Variants in GOSR2 observed in about 807,000 individuals in gnomAD.
GOSR2 encodes golgi SNAP receptor complex member 2.
A neutral mutation model predicts 27.9 loss-of-function variants in GOSR2; 20 were observed. The observed-to-expected ratio is 0.72, with a 90% CI of 0.50 to 1.04. The LOEUF is 1.04. GOSR2 is among the 50% of genes least tolerant of loss of function. The pLI is 0.00. For synonymous variants in GOSR2, 91 were observed against 98.8 expected (o/e 0.92, Z 0.47); for missense variants, 261 against 270.5 (o/e 0.97, Z 0.25).
chr17:46,964,336 C>G (rs2091221215), intron 6 of GOSR2: 1 of 152,294 alleles, frequency 6.6e-6, no homozygotes, highest in African/African-American at 2.4e-5. Context: ...TTTGAAATCT[C>G]TCTCCAGCTG....
At chr17:46,929,476 T>G in intron 1 of GOSR2, 44 bp from the exon 2 acceptor site, 1 of 988,866 alleles carries the variant, frequency 1.0e-6, no homozygotes, top group South Asian at 1.3e-5. Context: ...GAAGCGCTGT[T>G]GATTACTCCT....
intron 6 of GOSR2, among the ~76,000 whole-genome samples, chr17:46,957,582 C>T: frequency 6.6e-6 from 1 of 151,984 alleles, no homozygotes; most frequent in East Asian, 1.9e-4. Context: ...CACTGCACTC[C>T]AGCCTAGGTG....
chr17:46,939,255 G>A lies in GOSR2; in HGVS notation c.*495G>A. 1 of 1,038,646 alleles carries A rather than the reference G, an allele frequency of 9.6e-7. No individual in the cohort carries two copies. Among genetic ancestry groups the A allele is most frequent in the South Asian group, 3.6e-5 (1 of 27,402 alleles). 64.3% of individuals were successfully genotyped at this position (1,038,646 alleles called of 1,614,324 possible). On this transcript the variant is annotated 3_prime_UTR_variant, in exon 6 of 6. Transcript: ENST00000640051. ...GTCGATTCACATCCTCGTGCTCCTG[G>A]CCACCCTCCCCTGTGCCTCAGTGAC...
intron 1 of GOSR2, among the ~76,000 whole-genome samples, chr17:46,926,625 G>A (rs556495781): frequency 6.6e-6 from 1 of 152,326 alleles, no homozygotes; most frequent in Admixed American, 6.5e-5. Context: ...TGGACTTCCA[G>A]TGTGTTATGT....
chr17:46,946,461 CAAA>C (rs61284512), downstream of GOSR2, among the ~76,000 whole-genome samples: 44 of 98,944 alleles, frequency 4.4e-4, no homozygotes, highest in Non-Finnish European at 4.4e-4. Context: ...AACTCCGTCT[CAAA>C]AAAAAAAAAA....
chr17:46,940,257 TGGA>T lies in GOSR2; in HGVS notation c.*1502_*1504del. On this transcript the variant is annotated 3_prime_UTR_variant, in exon 6 of 6. Coordinates refer to ENST00000640051, the MANE Select transcript of GOSR2 (RefSeq NM_004287.5). Reference sequence around the variant, plus strand: ...TGGATGCTAATTTCACACTTTCGGTTGGAGGAGATCTCCATTGTTCCTACCCCT... The same window carrying T: ...TGGATGCTAATTTCACACTTTCGGTTGGAGATCTCCATTGTTCCTACCCCT... 2.8e-6 allele frequency: 4 copies of T among 1,425,436 alleles called. No homozygotes were observed. The highest frequency in any genetic ancestry group is 1.8e-6 in the Non-Finnish European group (2 of 1,094,262). 88.3% of individuals were successfully genotyped at this position (1,425,436 alleles called of 1,614,324 possible).
intron 6 of GOSR2, among the ~76,000 whole-genome samples, chr17:46,957,813 C>A (rs939255615): frequency 5.9e-5 from 9 of 152,172 alleles, no homozygotes; most frequent in Admixed American, 2.0e-4. Context: ...AGGAGAGAGA[C>A]ATGATACAAT....
rs1599027488 is a variant in GOSR2, at chr17:46,935,802, A to T, written c.477+633A>T. ...GCCCCTGGGAGTGGTTTACAGAAAC[A>T]TTACACAGACTCTGATGTCAGTCAT... On this transcript the variant is annotated intron_variant, in intron 5 of 5. Coordinates refer to ENST00000640051, the MANE Select transcript of GOSR2 (RefSeq NM_004287.5). 3 of 986,622 alleles carry T rather than the reference A, an allele frequency of 3.0e-6. No homozygotes were observed. The East Asian group carries it at 3.4e-4, about 112-fold the overall frequency. 61.1% of individuals were successfully genotyped at this position (986,622 alleles called of 1,614,324 possible). A position where few individuals can be genotyped will look rare whatever the true frequency, so the allele number is the denominator to read the frequency against.
Position 46,940,254 on chromosome 17 carries a change from GGTT to G in GOSR2, c.*1496_*1498del, listed in dbSNP as rs972630836. ...TCCTGGATGCTAATTTCACACTTTC[GGTT>G]GGAGGAGATCTCCATTGTTCCTACC... On this transcript the variant is annotated 3_prime_UTR_variant, in exon 6 of 6. Transcript: ENST00000640051. The G allele has an allele frequency of 4.9e-6, 7 of 1,423,360 alleles. No individual in the cohort carries two copies. The highest frequency in any genetic ancestry group is 6.4e-6 in the Non-Finnish European group (7 of 1,093,102). 88.2% of individuals were successfully genotyped at this position (1,423,360 alleles called of 1,614,324 possible).
intron 4 of GOSR2, chr17:46,933,573 A>T (rs2087736379): frequency 6.6e-6 from 1 of 151,756 alleles, no homozygotes; most frequent in African/African-American, 2.4e-5. Context: ...GGGGCAGTTG[A>T]AAACACGTAT....
chr17:46,931,264 T>C, intron 3 of GOSR2, 57 bp downstream of exon 3: 1 of 863,974 alleles, frequency 1.2e-6, no homozygotes, highest in Non-Finnish European at 2.0e-6. Context: ...GACAGGCTTT[T>C]CTCCCTGGGG....
intron 6 of GOSR2, among the ~76,000 whole-genome samples, chr17:46,951,522 G>A (rs528957301): frequency 1.0e-3 from 158 of 152,274 alleles, no homozygotes; most frequent in Non-Finnish European, 1.7e-3. Flanking sequence ...TTTAACTGGC[G>A]TAGCCCTTGA....
At chr17:46,951,812 C>A (rs1353758684) in intron 6 of GOSR2, among the ~76,000 whole-genome samples, 8 of 152,180 alleles carry the variant, frequency 5.3e-5, no homozygotes, top group Admixed American at 2.6e-4. Context: ...ACAGGGCCCT[C>A]TCTTCCCCCA....
chr17:46,936,777 C>T (rs1030109351), intron 5 of GOSR2: 14 of 981,538 alleles, frequency 1.4e-5, no homozygotes, highest in South Asian at 1.4e-4. Context: ...GTCACTATCT[C>T]GGGGAAAAAA....
chr17:46,961,979 CA>C (rs1416374082), intron 6 of GOSR2, among the ~76,000 whole-genome samples: 1 of 151,938 alleles, frequency 6.6e-6, no homozygotes, highest in Non-Finnish European at 1.5e-5. Context: ...TGTGCAAATC[CA>C]AAAACATGAT....
Position 46,929,551 on chromosome 17 carries a change from C to A in GOSR2, c.61C>A (p.Arg21Ser). ...QVHEIQSCMG[R>S]LETADKQSVH... ...CCACGAGATCCAGTCTTGCATGGGA[C>A]GCCTGGAGACGGCAGACAAGCAGTC... The change falls in exon 2 of 6, where the codon CGC becomes AGC. Residue 21 changes from arginine (R) to serine (S), a missense_variant. Coordinates refer to ENST00000640051, the MANE Select transcript of GOSR2 (RefSeq NM_004287.5). 6.4e-7 allele frequency: 1 copy of A among 1,566,354 alleles called. No homozygotes were observed. The highest frequency in any genetic ancestry group is 8.8e-7 in the Non-Finnish European group (1 of 1,136,560).
At chr17:46,933,955 A>C (rs965605741) in intron 4 of GOSR2, among the ~76,000 whole-genome samples, 3 of 144,502 alleles carry the variant, frequency 2.1e-5, no homozygotes, top group Non-Finnish European at 3.0e-5. Flanking sequence ...AAAAAAAAAA[A>C]CACGAAACAA....
At chr17:46,965,165 T>C (rs2091255608) in intron 6 of GOSR2, 1 of 152,234 alleles carries the variant, frequency 6.6e-6, no homozygotes, top group Admixed American at 6.5e-5. Context: ...TGTTCTCGGG[T>C]GGGCAGGGCC....
chr17:46,960,161 A>G (rs1160052184), intron 6 of GOSR2, among the ~76,000 whole-genome samples: 1 of 152,248 alleles, frequency 6.6e-6, no homozygotes, highest in African/African-American at 2.4e-5. Context: ...AAAGCTCAAC[A>G]ATAAGAAAAC....
Sources: gnomAD v4.1 joint callset for allele counts (sites outside exome capture counted in the v4.1 genomes callset) on GRCh38, gnomAD v4.1.1 for gene constraint, MANE v1.5 for transcripts, NCBI Gene and HGNC (gene_info 2026-07-23, HGNC 2026-07-21) for gene names.